Variants in PHF3 observed in about 807,000 individuals in gnomAD.
PHF3 encodes PHD finger protein 3.
Under a neutral mutation model 178.4 loss-of-function variants are expected in PHF3, and 41 were observed. The observed-to-expected ratio is 0.23, with a 90% CI of 0.18 to 0.30. The LOEUF (loss-of-function observed/expected upper bound fraction) is 0.30, where lower values mean the gene tolerates loss of function less well. Ranked by LOEUF, PHF3 falls within the 10% of genes least tolerant of loss-of-function variation. The pLI is 1.00. For synonymous variants in PHF3, 842 were observed against 800.5 expected (o/e 1.05, Z -0.88); for missense variants, 2,346 against 2,398.1 (o/e 0.98, Z 0.45).
chr6:63,687,379 G>C (rs1416822160), intron 4 of PHF3, among the ~76,000 whole-genome samples: 2 of 152,172 alleles, frequency 1.3e-5, no homozygotes, highest in African/African-American at 4.8e-5. Flanking sequence ...AGCCGACATT[G>C]AGCCACTGCA....
chr6:63,721,415 A>G lies in PHF3; in HGVS notation c.*7707A>G. On this transcript the variant is annotated 3_prime_UTR_variant, in exon 16 of 16. Transcript: ENST00000262043. ...ACCCACAGGCTGTCCCATCACAGTC[A>G]CCTACATTTGAGCCACCTTTTGCTC... 6.4e-7 allele frequency: 1 copy of G among 1,551,720 alleles called. No homozygotes were observed.
intron 9 of PHF3, among the ~76,000 whole-genome samples, chr6:63,701,535 A>C (rs917758872): frequency 2.6e-5 from 4 of 152,186 alleles, no homozygotes; most frequent in Admixed American, 1.3e-4. Context: ...ATTCTAGAAA[A>C]TACTGGTTGT....
At position 63,711,761 on chromosome 6, in the gene PHF3, A is replaced by G; in HGVS notation, c.4173A>G (p.Ala1391=). 1 of 1,613,484 alleles carries G rather than the reference A, an allele frequency of 6.2e-7. No individual in the cohort carries two copies. Among genetic ancestry groups the G allele is most frequent in the Non-Finnish European group, 8.5e-7 (1 of 1,179,828 alleles). ...KSKIEVSTEE[A]PEEENDFFNS... ...AAATAGAAGTTTCTACAGAAGAAGC[A>G]CCAGAGGAAGAAAATGACTTTTTTA... is the stretch of plus-strand genomic sequence containing the variant. The change falls in exon 16 of 16, where the codon GCA becomes GCG. Residue 1391 remains alanine, a synonymous_variant. Transcript: ENST00000262043.
intron 11 of PHF3, among the ~76,000 whole-genome samples, chr6:63,705,532 A>G (rs951368642): frequency 2.0e-5 from 3 of 152,292 alleles, no homozygotes; most frequent in East Asian, 3.9e-4. Flanking sequence ...TGAGAATCTA[A>G]CTATTAATGC....
Position 63,721,628 on chromosome 6 carries a change from C to G in PHF3, c.*7920C>G. On this transcript the variant is annotated 3_prime_UTR_variant, in exon 16 of 16. Transcript: ENST00000262043. ...TGGAGGCCTTTTCTGTTACATTTAT[C>G]CCATCTAGATCCAGGTAGCCTTCTG... is the stretch of plus-strand genomic sequence containing the variant. 2 of 1,551,196 alleles carry G rather than the reference C, an allele frequency of 1.3e-6. No homozygotes were observed. Among genetic ancestry groups the G allele is most frequent in the Admixed American group, 2.0e-5 (1 of 50,974 alleles).
intron 2 of PHF3, among the ~76,000 whole-genome samples, chr6:63,662,936 A>G (rs1169837979): frequency 6.6e-6 from 1 of 152,204 alleles, no homozygotes; most frequent in Non-Finnish European, 1.5e-5. Flanking sequence ...TGACAACTCC[A>G]GTTGGTACCA....
chr6:63,701,238 A>G (rs1260733166), intron 9 of PHF3, among the ~76,000 whole-genome samples: 1 of 152,190 alleles, frequency 6.6e-6, no homozygotes, highest in Non-Finnish European at 1.5e-5. Flanking sequence ...CTTAACCTGA[A>G]TTGCCATGTA....
chr6:63,654,374 T>C (rs930683922), intron 2 of PHF3, among the ~76,000 whole-genome samples: 1 of 152,220 alleles, frequency 6.6e-6, no homozygotes, highest in African/African-American at 2.4e-5. Flanking sequence ...ATACTTTTTA[T>C]CAAATGTTGA....
In PHF3 at chr6:63,715,337, A is replaced by G. The variant is rs548886833; in HGVS notation, c.*1629A>G. 9.5e-4 allele frequency: 145 copies of G among 152,312 alleles called. No individual in the cohort carries two copies. The highest frequency in any genetic ancestry group is 3.2e-3 in the African/African-American group (135 of 41,588). 9.4% of individuals were successfully genotyped at this position (152,312 alleles called of 1,614,324 possible). ...CTTTTCTTTTGGAAATTAACTTGTT[A>G]GAAAACAAAGTTAGTTCCCAAACAA... is the stretch of plus-strand genomic sequence containing the variant. On this transcript the variant is annotated 3_prime_UTR_variant, in exon 16 of 16. Transcript: ENST00000262043.
chr6:63,685,459 A>G lies in PHF3; in HGVS notation c.1737A>G (p.Thr579=). 1 of 1,614,106 alleles carries G rather than the reference A, an allele frequency of 6.2e-7. No homozygotes were observed. Among genetic ancestry groups the G allele is most frequent in the Non-Finnish European group, 8.5e-7 (1 of 1,180,002 alleles). Residue 579 remains threonine, a synonymous_variant, in exon 4 of 16, where the codon ACA becomes ACG. Coordinates refer to ENST00000262043, the MANE Select transcript of PHF3 (RefSeq NM_001370348.2). ...KNQAHSVLKK[T]LQDQTLVQIF... ...AAGCTCATTCTGTACTGAAAAAAACATTACAGGATCAAACTTTAGTACAAA... is the reference window on the plus strand; with the variant it reads ...AAGCTCATTCTGTACTGAAAAAAACGTTACAGGATCAAACTTTAGTACAAA...
At position 63,723,186 on chromosome 6, in the gene PHF3, T is replaced by C. The variant is rs1768472788; in HGVS notation, c.*9478T>C. On this transcript the variant is annotated 3_prime_UTR_variant, in exon 16 of 16. Transcript: ENST00000262043. ...TTTCCTATAATGACATGAAAATTGTTTTAAAAATTCATAACAAAGAAACTC... is the reference window on the plus strand; with the variant it reads ...TTTCCTATAATGACATGAAAATTGTCTTAAAAATTCATAACAAAGAAACTC... Among the ~76,000 whole-genome samples, 1 of 152,200 alleles carries C rather than the reference T, an allele frequency of 6.6e-6. No homozygotes were observed.
chr6:63,684,515 A>T lies in PHF3; in HGVS notation c.793A>T (p.Ile265Phe), dbSNP rs763893625. The change falls in exon 4 of 16, where the codon ATT becomes TTT. Residue 265 changes from isoleucine to phenylalanine, a missense_variant. Around this residue, in one of 8 missense-constraint regions of PHF3, gnomAD observed 843 missense variants for 795.2 expected, o/e 1.06. Coordinates refer to ENST00000262043, the MANE Select transcript of PHF3 (RefSeq NM_001370348.2). ...CSLLSETCVT[I>F]GEKKNEALME... is the part of the protein sequence containing the mutation. ...ACTTCTTTCAGAGACTTGTGTTACT[A>T]TTGGAGAAAAGAAAAATGAAGCTTT... 1 of 1,613,392 alleles carries T rather than the reference A, an allele frequency of 6.2e-7. No individual in the cohort carries two copies. The highest frequency in any genetic ancestry group is 1.1e-5 in the South Asian group (1 of 90,924).
chr6:63,658,014 G>A (rs943088221), intron 2 of PHF3, among the ~76,000 whole-genome samples: 1 of 152,156 alleles, frequency 6.6e-6, no homozygotes, highest in African/African-American at 2.4e-5. Flanking sequence ...TAAGTTCAGG[G>A]TTAAGAAAAT....
At chr6:63,681,645 G>A (rs1766441294) in intron 3 of PHF3, among the ~76,000 whole-genome samples, 1 of 151,944 alleles carries the variant, frequency 6.6e-6, no homozygotes, top group African/African-American at 2.4e-5. Flanking sequence ...CATGTTTCAT[G>A]GATGTAGTAT....
rs758563591 is a variant in PHF3, at chr6:63,703,542, G to A, written c.3238G>A (p.Ala1080Thr). 1 of 1,604,898 alleles carries A rather than the reference G, an allele frequency of 6.2e-7. No individual in the cohort carries two copies. The highest frequency in any genetic ancestry group is 1.3e-5 in the African/African-American group (1 of 74,358). ...TTACTTTGACTTACGTTAGGAACCA[G>A]CCGCCAATAAGTCATTGGAGAAGCC... is the stretch of plus-strand genomic sequence containing the variant. ...QEAAMEIQEP[A>T]ANKSLEKPEG... Residue 1080 changes from alanine to threonine, a missense_variant, in exon 11 of 16, where the codon GCC becomes ACC. By Grantham distance (58) the Ala-to-Thr change is moderately conservative. Coordinates refer to ENST00000262043, the MANE Select transcript of PHF3 (RefSeq NM_001370348.2).
In PHF3 at chr6:63,716,697, C is replaced by G. The variant is rs1421454292; in HGVS notation, c.*2989C>G. On this transcript the variant is annotated 3_prime_UTR_variant, in exon 16 of 16. Transcript: ENST00000262043. Reference sequence around the variant, plus strand: ...TTCCTTTTTTTTTGCGCCTTGGTTTCTAGCTTCTAGAGGGCACCCAATTTC... The same window carrying G: ...TTCCTTTTTTTTTGCGCCTTGGTTTGTAGCTTCTAGAGGGCACCCAATTTC... Among the ~76,000 whole-genome samples the G allele has an allele frequency of 6.6e-6, 1 of 151,724 alleles. No homozygotes were observed. Among genetic ancestry groups the G allele is most frequent in the Non-Finnish European group, 1.5e-5 (1 of 67,930 alleles).
At position 63,725,348 on chromosome 6, in the gene PHF3, G is replaced by A. The variant is rs72886320; in HGVS notation, c.*11640G>A. Among the ~76,000 whole-genome samples, 309 of 151,660 alleles carry A rather than the reference G, an allele frequency of 2.0e-3. No individual in the cohort carries two copies. Among genetic ancestry groups the A allele is most frequent in the Middle Eastern group, 6.8e-3 (2 of 294 alleles). ...ACAAACAAATATGTATCGTTGTACTGATTATAAAACTGTAGTACAATATTC... is the reference window on the plus strand; with the variant it reads ...ACAAACAAATATGTATCGTTGTACTAATTATAAAACTGTAGTACAATATTC... On this transcript the variant is annotated 3_prime_UTR_variant, in exon 16 of 16. Transcript: ENST00000262043.
rs1451240759 is a variant in PHF3, at chr6:63,723,933, G to A, written c.*10225G>A. Among the ~76,000 whole-genome samples, 2 of 151,676 alleles carry A rather than the reference G, an allele frequency of 1.3e-5. No individual in the cohort carries two copies. Among genetic ancestry groups the A allele is most frequent in the Non-Finnish European group, 2.9e-5 (2 of 67,924 alleles). ...ATCTCCCGGGCTGCCTCAGTTTCCC[G>A]AGTATCTGGGACTACAGGCACTGGC... On this transcript the variant is annotated 3_prime_UTR_variant, in exon 16 of 16. Coordinates refer to ENST00000262043, the MANE Select transcript of PHF3 (RefSeq NM_001370348.2).
At position 63,665,193 on chromosome 6, in the gene PHF3, AAG is replaced by A. The variant is rs1765629005; in HGVS notation, c.245-14804_245-14803del. Among the ~76,000 whole-genome samples, 3 of 152,140 alleles carry A rather than the reference AAG, an allele frequency of 2.0e-5. No individual in the cohort carries two copies. The South Asian group carries it at 6.2e-4, about 31-fold the overall frequency. On this transcript the variant is annotated intron_variant, in intron 2 of 15. Coordinates refer to ENST00000262043, the MANE Select transcript of PHF3 (RefSeq NM_001370348.2). The stretch of plus-strand genomic sequence containing the variant: ...AGTTTTTTCTTTTTAAAGTAAGAAA[AAG>A]AGTTTCTTTCTTATCACTAAAATAT...
Sources: gnomAD v4.1 joint callset for allele counts (sites outside exome capture counted in the v4.1 genomes callset) on GRCh38, gnomAD v4.1.1 for gene constraint, gnomAD v4.1.1 regional missense constraint, MANE v1.5 for transcripts, NCBI Gene and HGNC (gene_info 2026-07-23, HGNC 2026-07-21) for gene names.